SNRPN: variants seen among roughly 807,000 people sequenced by gnomAD.
SNRPN encodes small nuclear ribonucleoprotein polypeptide N.
A neutral mutation model predicts 25.2 loss-of-function variants in SNRPN; 7 were observed. That is an observed-to-expected ratio of 0.28 (90% CI 0.16 to 0.52). SNRPN has a LOEUF of 0.52. SNRPN is among the 20% of genes least tolerant of loss of function. SNRPN has a pLI of 0.96. For synonymous variants in SNRPN, 124 were observed against 110.6 expected (o/e 1.12, Z -0.76); for missense variants, 196 against 322.5 (o/e 0.61, Z 3.00).
At chr15:24,838,948 C>A (rs2052474434) in intron 2 of SNRPN, among the ~76,000 whole-genome samples, 1 of 151,842 alleles carries the variant, frequency 6.6e-6, no homozygotes, top group Non-Finnish European at 1.5e-5. Flanking sequence ...GTGGCCTGAA[C>A]CACAAACCAC....
upstream of SNRPN, among the ~76,000 whole-genome samples, chr15:24,852,736 G>A (rs567914536): frequency 6.6e-6 from 1 of 152,204 alleles, no homozygotes; most frequent in South Asian, 2.1e-4. Context: ...ACCAATCTGG[G>A]CAACATGGCA....
chr15:24,846,837 T>C (rs1354262197), intron 2 of SNRPN, among the ~76,000 whole-genome samples: 1 of 152,208 alleles, frequency 6.6e-6, no homozygotes, highest in Non-Finnish European at 1.5e-5. Flanking sequence ...TCAGCTACTA[T>C]GGGGTCGACT....
intron 1 of SNRPN, among the ~76,000 whole-genome samples, chr15:24,865,172 A>C (rs2054455075): frequency 6.6e-6 from 1 of 151,062 alleles, no homozygotes. Flanking sequence ...TCAGCCTCCC[A>C]AATAACTGGG....
intron 2 of SNRPN, among the ~76,000 whole-genome samples, chr15:24,898,475 C>G (rs1380395650): frequency 6.6e-6 from 1 of 151,976 alleles, no homozygotes; most frequent in Non-Finnish European, 1.5e-5. Context: ...GTAGTCCCAG[C>G]TACTCGGGAG....
At chr15:24,898,720 T>C (rs143522366) in intron 2 of SNRPN, among the ~76,000 whole-genome samples, 2 of 152,310 alleles carry the variant, frequency 1.3e-5, no homozygotes, top group East Asian at 3.9e-4. Flanking sequence ...CTGTCTTTAA[T>C]GTATGAGTCA....
At chr15:24,835,967 T>G (rs1254475889) in intron 2 of SNRPN, among the ~76,000 whole-genome samples, 1 of 152,076 alleles carries the variant, frequency 6.6e-6, no homozygotes, top group Non-Finnish European at 1.5e-5. Context: ...GTTGATTCCT[T>G]GAGCATTGTC....
upstream of SNRPN, among the ~76,000 whole-genome samples, chr15:24,852,719 A>G (rs557385963): frequency 6.6e-6 from 1 of 152,180 alleles, no homozygotes; most frequent in African/African-American, 2.4e-5. Flanking sequence ...CAATTCAGCA[A>G]TTCAAGACCA....
At chr15:24,948,365 G>C (rs368873866) in intron 3 of SNRPN, among the ~76,000 whole-genome samples, 1 of 152,036 alleles carries the variant, frequency 6.6e-6, no homozygotes, top group Non-Finnish European at 1.5e-5. Context: ...GCCCGCCTCG[G>C]CTTCCCAAAG....
chr15:24,860,108 TC>T (rs1180783461), intron 1 of SNRPN, among the ~76,000 whole-genome samples: 4 of 152,204 alleles, frequency 2.6e-5, no homozygotes, highest in African/African-American at 7.2e-5. Flanking sequence ...TTGCTCTGGT[TC>T]ACATGCCTCT....
rs428761 is a variant in SNRPN, at chr15:24,958,174, C to T, written c.-391+3112C>T. Among the ~76,000 whole-genome samples, 1,445 of 152,166 alleles carry T rather than the reference C, an allele frequency of 9.5e-3. 19 individuals are homozygous for T. Among genetic ancestry groups the T allele is most frequent in the African/African-American group, 0.032 (1,335 of 41,498 alleles). On this transcript the variant is annotated intron_variant, in intron 1 of 9. Coordinates refer to ENST00000390687, the MANE Select transcript of SNRPN (RefSeq NM_003097.6). ...CTCTGTATCTTTATGTTTCCCTTACCCTGTTCCTTTTCCTAATAAACATCT... is the reference window on the plus strand; with the variant it reads ...CTCTGTATCTTTATGTTTCCCTTACTCTGTTCCTTTTCCTAATAAACATCT...
At chr15:24,879,980 A>G (rs1234481171) in intron 1 of SNRPN, among the ~76,000 whole-genome samples, 1 of 152,196 alleles carries the variant, frequency 6.6e-6, no homozygotes, top group Non-Finnish European at 1.5e-5. Context: ...AGCAACTCCA[A>G]GAGGTCCATT....
intron 3 of SNRPN, among the ~76,000 whole-genome samples, chr15:24,928,760 C>T (rs1250669446): frequency 6.6e-6 from 1 of 152,032 alleles, no homozygotes; most frequent in East Asian, 1.9e-4. Flanking sequence ...CACATGCCAT[C>T]ATGCCTAGCT....
chr15:24,920,152 C>T (rs1165577474), intron 3 of SNRPN: 9 of 152,100 alleles, frequency 5.9e-5, no homozygotes, highest in African/African-American at 1.9e-4. Context: ...ATATCTCCAG[C>T]CTCTTCCTCC....
chr15:24,943,666 T>C (rs1164681622), intron 3 of SNRPN, among the ~76,000 whole-genome samples: 1 of 152,086 alleles, frequency 6.6e-6, no homozygotes, highest in African/African-American at 2.4e-5. Context: ...AACAGCTGTT[T>C]CTCAAAAGGA....
intron 3 of SNRPN, among the ~76,000 whole-genome samples, chr15:24,935,146 C>T (rs949246923): frequency 1.2e-4 from 18 of 152,028 alleles, no homozygotes; most frequent in Admixed American, 6.6e-4. Flanking sequence ...GCAGCATGCC[C>T]GTATAGTCCC....
At chr15:24,973,299 CTG>C (rs2076668965) in intron 3 of SNRPN, among the ~76,000 whole-genome samples, 3 of 152,216 alleles carry the variant, frequency 2.0e-5, no homozygotes, top group Admixed American at 1.3e-4. Context: ...ATAGTAGACT[CTG>C]TGTATCCTCT....
At chr15:24,917,209 G>A (rs2059580860) in intron 2 of SNRPN, among the ~76,000 whole-genome samples, 1 of 152,100 alleles carries the variant, frequency 6.6e-6, no homozygotes, top group Admixed American at 6.6e-5. Context: ...TCATCTCTCA[G>A]AATCAGCTTT....
chr15:24,898,806 G>A (rs192087139), intron 2 of SNRPN, among the ~76,000 whole-genome samples: 2 of 152,218 alleles, frequency 1.3e-5, no homozygotes, highest in African/African-American at 4.8e-5. Context: ...CGGAGTCAAA[G>A]GAATGAGAAA....
chr15:24,848,160 C>T (rs1282194157), intron 2 of SNRPN, among the ~76,000 whole-genome samples: 4 of 144,102 alleles, frequency 2.8e-5, no homozygotes, highest in East Asian at 2.0e-4. Flanking sequence ...CGCCACTGTC[C>T]GGTGCGGCCA....
Sources: allele counts gnomAD v4.1 joint callset (sites outside exome capture counted in the v4.1 genomes callset), GRCh38; gene constraint gnomAD v4.1.1; transcripts MANE v1.5; gene names NCBI Gene and HGNC (gene_info 2026-07-23, HGNC 2026-07-21).